DCBLD1: variants seen among roughly 807,000 people sequenced by gnomAD.
The protein encoded by DCBLD1 is discoidin, CUB and LCCL domain containing 1.
Under a neutral mutation model 71.5 loss-of-function variants are expected in DCBLD1, and 57 were observed. That is an observed-to-expected ratio of 0.80 (90% CI 0.64 to 0.99). The LOEUF is 0.99. DCBLD1 is among the 50% of genes least tolerant of loss of function. The pLI is 0.00. For missense variants in DCBLD1, 891 were observed against 923.5 expected, an observed-to-expected ratio of 0.96 and a Z score of 0.46; for synonymous variants, 380 against 363.8, an observed-to-expected ratio of 1.04 and a Z score of -0.51.
intron 2 of DCBLD1, among the ~76,000 whole-genome samples, chr6:117,517,676 C>T (rs1778248740): frequency 6.6e-6 from 1 of 152,226 alleles, no homozygotes; most frequent in Admixed American, 6.5e-5. Context: ...TTCTTGACTT[C>T]CATGCACCTG....
chr6:117,558,333 G>A (rs947076283), intron 14 of DCBLD1, among the ~76,000 whole-genome samples: 10 of 152,046 alleles, frequency 6.6e-5, no homozygotes, highest in Non-Finnish European at 1.0e-4. Flanking sequence ...TGCTGTAACC[G>A]GCCAACTCTG....
intron 1 of DCBLD1, among the ~76,000 whole-genome samples, chr6:117,489,655 C>T (rs761638936): frequency 9.9e-5 from 15 of 152,116 alleles, no homozygotes; most frequent in African/African-American, 1.7e-4. Context: ...GAGGCCGAGG[C>T]GGGTGGATCA....
chr6:117,502,089 T>A (rs1777681797), intron 1 of DCBLD1, among the ~76,000 whole-genome samples: 1 of 152,226 alleles, frequency 6.6e-6, no homozygotes, highest in Admixed American at 6.5e-5. Context: ...CTACTGCTCC[T>A]CTGATCCAGA....
At chr6:117,566,889 C>T in intron 14 of DCBLD1, 1 of 1,593,140 alleles carries the variant, frequency 6.3e-7, no homozygotes, top group Non-Finnish European at 8.5e-7. Flanking sequence ...TGTGTCTTTG[C>T]AACTAGCACC....
intron 1 of DCBLD1, among the ~76,000 whole-genome samples, chr6:117,499,150 C>A (rs1777565917): frequency 6.7e-6 from 1 of 149,980 alleles, no homozygotes; most frequent in South Asian, 2.1e-4. Context: ...CACCTGTAAT[C>A]CCAGCATTTG....
chr6:117,544,687 A>G, intron 13 of DCBLD1, 110 bp downstream of exon 13: 2 of 1,188,436 alleles, frequency 1.7e-6, no homozygotes, highest in Non-Finnish European at 2.4e-6. Context: ...GTTAAAAGAC[A>G]TAAGCCCTGT....
At chr6:117,550,211 G>A (rs764645464), downstream of DCBLD1, among the ~76,000 whole-genome samples, 4 of 151,966 alleles carry the variant, frequency 2.6e-5, no homozygotes, top group African/African-American at 7.3e-5. Context: ...GTTCTTCTGC[G>A]GCACTAGTGA....
At chr6:117,553,932 C>T (rs1003072699), downstream of DCBLD1, among the ~76,000 whole-genome samples, 1 of 152,190 alleles carries the variant, frequency 6.6e-6, no homozygotes, top group South Asian at 2.1e-4. Context: ...CTTTCTATGA[C>T]TCCATTTCCT....
chr6:117,508,204 A>T (rs1295075537), intron 2 of DCBLD1: 2 of 152,214 alleles, frequency 1.3e-5, no homozygotes, highest in African/African-American at 2.4e-5. Context: ...TCTAGGATTG[A>T]ACACACTTTG....
At chr6:117,505,281 T>G (rs1387082420) in intron 2 of DCBLD1, among the ~76,000 whole-genome samples, 1 of 152,164 alleles carries the variant, frequency 6.6e-6, no homozygotes, top group East Asian at 1.9e-4. Context: ...TTCCATTACC[T>G]CTGGTAATCT....
At chr6:117,558,907 G>A (rs570578573) in intron 14 of DCBLD1, among the ~76,000 whole-genome samples, 27 of 152,224 alleles carry the variant, frequency 1.8e-4, no homozygotes, top group African/African-American at 6.3e-4. Flanking sequence ...TACCAGCAAG[G>A]GGATAATGGG....
intron 1 of DCBLD1, among the ~76,000 whole-genome samples, chr6:117,496,299 ATTTTG>A (rs1476442272): frequency 7.2e-5 from 11 of 151,944 alleles, no homozygotes; most frequent in Non-Finnish European, 1.3e-4. Context: ...TTGAATAATT[ATTTTG>A]TTTTATCATT....
rs1583037970 is a variant in DCBLD1 at position 117,548,596 on chromosome 6, T to A, written c.*157T>A. ...CCAGTAGGATCCTAGAGACAACCTG[T>A]CATACTGTTTACAAAATTGTGCAGC... is the stretch of plus-strand genomic sequence containing the variant. On this transcript the variant is annotated 3_prime_UTR_variant, in exon 15 of 15. Transcript: ENST00000338728. The A allele has an allele frequency of 6.9e-7, 1 of 1,441,624 alleles. No individual in the cohort carries two copies. Among genetic ancestry groups the A allele is most frequent in the East Asian group, 2.5e-5 (1 of 39,994 alleles). 89.3% of individuals were successfully genotyped at this position (1,441,624 alleles called of 1,614,324 possible).
intron 1 of DCBLD1, among the ~76,000 whole-genome samples, chr6:117,490,295 T>C (rs1387014946): frequency 1.3e-5 from 2 of 152,232 alleles, no homozygotes; most frequent in African/African-American, 4.8e-5. Flanking sequence ...ATTCTGATTT[T>C]TTAAATCTGT....
At chr6:117,505,877 G>A (rs903001001) in intron 2 of DCBLD1, among the ~76,000 whole-genome samples, 1 of 152,220 alleles carries the variant, frequency 6.6e-6, no homozygotes, top group Middle Eastern at 3.4e-3. Flanking sequence ...AGGTGATCAT[G>A]GTCTGCCTCA....
Position 117,548,036 on chromosome 6 carries a change from A to G in DCBLD1, c.1745A>G (p.Gln582Arg). The stretch of plus-strand genomic sequence containing the variant: ...GCCGGCGGCCACTATGACTGCCCGC[A>G]GCGGGCCGGCCGCCACGAGTACGCG... ...TDAGGHYDCP[Q>R]RAGRHEYALP... Residue 582 changes from glutamine (Q) to arginine (R), a missense_variant, in exon 15 of 15, where the codon CAG (glutamine) becomes CGG (arginine). Gln to Arg is a conservative substitution (Grantham distance 43). Coordinates refer to ENST00000338728, the MANE Select transcript of DCBLD1 (RefSeq NM_001366458.2). 6.5e-7 allele frequency: 1 copy of G among 1,549,498 alleles called. No homozygotes were observed.
chr6:117,562,505 C>T (rs780352681), intron 14 of DCBLD1: 12 of 202,868 alleles, frequency 5.9e-5, no homozygotes, highest in African/African-American at 1.1e-4. Context: ...TCCAGTACTG[C>T]GCACACAGAT....
chr6:117,562,433 A>G (rs998951570), intron 14 of DCBLD1: 2 of 202,404 alleles, frequency 9.9e-6, no homozygotes, highest in African/African-American at 4.6e-5. Context: ...AAAATGTATA[A>G]AACTGTCTTT....
At chr6:117,547,192 T>C (rs1229569798) in intron 14 of DCBLD1, among the ~76,000 whole-genome samples, 1 of 152,190 alleles carries the variant, frequency 6.6e-6, no homozygotes, top group African/African-American at 2.4e-5. Context: ...CCAGACTTCC[T>C]AGCAAGACAA....
Sources: allele counts gnomAD v4.1 joint callset (sites outside exome capture counted in the v4.1 genomes callset), GRCh38; gene constraint gnomAD v4.1.1; transcripts MANE v1.5; gene names NCBI Gene and HGNC (gene_info 2026-07-23, HGNC 2026-07-21).